The following PITPNM2 variants were observed in gnomAD, a reference collection of about 807,000 sequenced individuals.
PITPNM2 encodes membrane-associated phosphatidylinositol transfer protein 2.
PITPNM2 carries 35 observed loss-of-function variants against 132.2 expected under a neutral mutation model. The ratio of observed to expected loss-of-function variants is 0.26; its 90% CI spans 0.20 to 0.35. The LOEUF is 0.35. Among genes scored for constraint, PITPNM2 ranks in the 10% least tolerant of loss-of-function variants. PITPNM2 has a pLI of 1.00. For missense variants in PITPNM2, 1,332 were observed against 1,912.0 expected, an observed-to-expected ratio of 0.70 and a Z score of 5.66; for synonymous variants, 738 against 799.2, an observed-to-expected ratio of 0.92 and a Z score of 1.29.
chr12:123,009,787 G>T lies in PITPNM2; in HGVS notation c.643+63C>A. 1 of 1,442,086 alleles carries T rather than the reference G, an allele frequency of 6.9e-7. No individual in the cohort carries two copies. Among genetic ancestry groups the T allele is most frequent in the Non-Finnish European group, 9.7e-7 (1 of 1,026,558 alleles). 89.3% of individuals were successfully genotyped at this position (1,442,086 alleles called of 1,614,324 possible). On this transcript the variant is annotated intron_variant, in intron 6 of 25. Transcript: ENST00000320201. This position sits in a 1 kb window ranked among gnomAD's most constrained non-coding sequence, Gnocchi z 4.8. Reference sequence around the variant, plus strand: ...TGCAAAGAGAGGAGGCAGACAGGCAGGTGACAGGAGACAGAGGGGTTGGGT... The same window carrying T: ...TGCAAAGAGAGGAGGCAGACAGGCATGTGACAGGAGACAGAGGGGTTGGGT...
In PITPNM2 at chr12:123,008,200, T is replaced by C. The variant is rs554175534; in HGVS notation, c.643+1650A>G. On this transcript the variant is annotated intron_variant, in intron 6 of 25. Coordinates refer to ENST00000320201, the MANE Select transcript of PITPNM2 (RefSeq NM_020845.3). This position sits in a 1 kb window ranked among gnomAD's most constrained non-coding sequence, Gnocchi z 4.1. ...TGCTTTCTGAGGGGAGAACTGACTTTCAGGGAGCTGGGGAGTCTCTGCAGC... is the reference window on the plus strand; with the variant it reads ...TGCTTTCTGAGGGGAGAACTGACTTCCAGGGAGCTGGGGAGTCTCTGCAGC... Among the ~76,000 whole-genome samples the C allele has an allele frequency of 2.4e-4, 37 of 152,312 alleles. No individual in the cohort carries two copies. Among genetic ancestry groups the C allele is most frequent in the Admixed American group, 6.5e-4 (10 of 15,302 alleles).
chr12:123,121,300 G>A (rs1263860907), intron 1 of PITPNM2, among the ~76,000 whole-genome samples: 1 of 152,236 alleles, frequency 6.6e-6, no homozygotes, highest in East Asian at 1.9e-4. Context: ...CTTGAACTCA[G>A]GAGTTTGAGG....
intron 2 of PITPNM2, among the ~76,000 whole-genome samples, chr12:123,093,326 G>A (rs2042319072): frequency 6.6e-6 from 1 of 152,090 alleles, no homozygotes; most frequent in African/African-American, 2.4e-5. Flanking sequence ...GAGAATAGAA[G>A]AAAATGTTCT....
chr12:123,092,652 C>T (rs1310005546), intron 2 of PITPNM2: 3 of 152,292 alleles, frequency 2.0e-5, no homozygotes, highest in Admixed American at 6.5e-5. Context: ...GGCCTGCGGA[C>T]CTGCGGCCTC....
At position 122,994,722 on chromosome 12, in the gene PITPNM2, T is replaced by A. The variant is rs2038344555; in HGVS notation, c.2233+79A>T. 1 of 1,436,868 alleles carries A rather than the reference T, an allele frequency of 7.0e-7. No individual in the cohort carries two copies. Among genetic ancestry groups the A allele is most frequent in the African/African-American group, 1.4e-5 (1 of 70,496 alleles). 89.0% of individuals were successfully genotyped at this position (1,436,868 alleles called of 1,614,324 possible). On this transcript the variant is annotated intron_variant, in intron 15 of 25. Coordinates refer to ENST00000320201, the MANE Select transcript of PITPNM2 (RefSeq NM_020845.3). This position sits in a 1 kb window ranked among gnomAD's most constrained non-coding sequence, Gnocchi z 5.4. ...ACAGGCCTGGGACGTGGCCATGATC[T>A]CATCACAGGGGTCCACTGAGACCCC...
In PITPNM2 at chr12:123,000,837, G is replaced by A. The variant is rs776272061; in HGVS notation, c.1165C>T (p.Arg389Cys). ...EPEDTQDGLY[R>C]QGAPEFRVAS... ...ACCCTGAACTCAGGGGCACCCTGGC[G>A]GTACAGACCATCTGCAAAGACACAG... The change falls in exon 10 of 26, where the codon CGC becomes TGC. Residue 389 changes from arginine (R) to cysteine (C), a missense_variant. This residue lies in a region of PITPNM2 where 710 missense variants were observed against 911.5 expected (regional missense o/e 0.78). Coordinates refer to ENST00000320201, the MANE Select transcript of PITPNM2 (RefSeq NM_020845.3). This position sits in a 1 kb window ranked among gnomAD's most constrained non-coding sequence, Gnocchi z 5.4. 1.1e-5 allele frequency: 18 copies of A among 1,614,086 alleles called. No homozygotes were observed. Among genetic ancestry groups the A allele is most frequent in the Admixed American group, 5.0e-5 (3 of 60,026 alleles).
intron 2 of PITPNM2, among the ~76,000 whole-genome samples, chr12:123,037,825 C>T (rs1459572829): frequency 6.6e-6 from 1 of 152,236 alleles, no homozygotes; most frequent in Non-Finnish European, 1.5e-5. Context: ...TGAGCCAGCA[C>T]CCAGACACTG....
intron 3 of PITPNM2, among the ~76,000 whole-genome samples, chr12:123,014,565 A>C (rs1486478778): frequency 6.6e-6 from 1 of 152,142 alleles, no homozygotes; most frequent in African/African-American, 2.4e-5. Context: ...TTAGCCAGGC[A>C]TGTGGCACAT....
At chr12:123,133,095 T>C (rs770466475) in intron 1 of PITPNM2, among the ~76,000 whole-genome samples, 1 of 152,238 alleles carries the variant, frequency 6.6e-6, no homozygotes. Flanking sequence ...TACTATGTCA[T>C]ATGGGAATTT....
At chr12:123,041,551 G>T (rs1229053795) in intron 2 of PITPNM2, among the ~76,000 whole-genome samples, 1 of 152,168 alleles carries the variant, frequency 6.6e-6, no homozygotes, top group East Asian at 1.9e-4. Context: ...TCTCCCTGGA[G>T]CCCCCTTGGC....
Position 123,078,748 on chromosome 12 carries a change from T to C in PITPNM2, c.-96+31637A>G, listed in dbSNP as rs1458887766. Among the ~76,000 whole-genome samples the C allele has an allele frequency of 3.3e-5, 5 of 152,136 alleles. No homozygotes were observed. Among genetic ancestry groups the C allele is most frequent in the Non-Finnish European group, 7.4e-5 (5 of 67,994 alleles). On this transcript the variant is annotated intron_variant, in intron 2 of 25. Transcript: ENST00000320201. The surrounding 1 kb of genome is among the most constrained non-coding windows in gnomAD (Gnocchi z 7.3). ...GGGGAGGGGGCTCTCCTGGACACAC[T>C]GGCAGGTGGATGGGGACTCCCAGGC... is the stretch of plus-strand genomic sequence containing the variant.
Position 123,078,467 on chromosome 12 carries a change from C to T in PITPNM2, c.-96+31918G>A, listed in dbSNP as rs1172698061. Among the ~76,000 whole-genome samples, 1 of 152,218 alleles carries T rather than the reference C, an allele frequency of 6.6e-6. No homozygotes were observed. The highest frequency in any genetic ancestry group is 1.5e-5 in the Non-Finnish European group (1 of 68,034). On this transcript the variant is annotated intron_variant, in intron 2 of 25. Coordinates refer to ENST00000320201, the MANE Select transcript of PITPNM2 (RefSeq NM_020845.3). This position sits in a 1 kb window ranked among gnomAD's most constrained non-coding sequence, Gnocchi z 7.3. ...GGCCCTCCGTCTCACGCCACGATGC[C>T]CAGCCAGAGCCTGAAGTCGGGACCC...
chr12:123,122,200 T>C (rs2043045986), intron 1 of PITPNM2, among the ~76,000 whole-genome samples: 1 of 152,188 alleles, frequency 6.6e-6, no homozygotes, highest in Non-Finnish European at 1.5e-5. Context: ...CGGTGGCTCA[T>C]GCCTGTAATC....
chr12:123,079,625 G>T (rs2041897629), intron 2 of PITPNM2, among the ~76,000 whole-genome samples: 1 of 151,962 alleles, frequency 6.6e-6, no homozygotes, highest in Non-Finnish European at 1.5e-5. Flanking sequence ...GAGATTACAG[G>T]CATGAGCCAC....
At chr12:122,991,385 G>T (rs2038178352) in intron 16 of PITPNM2, among the ~76,000 whole-genome samples, 1 of 152,230 alleles carries the variant, frequency 6.6e-6, no homozygotes, top group South Asian at 2.1e-4. Context: ...GGGCCTTGGG[G>T]AATCCAACCC....
At chr12:123,123,154 T>TTAAC (rs2043064422) in intron 1 of PITPNM2, among the ~76,000 whole-genome samples, 2 of 152,186 alleles carry the variant, frequency 1.3e-5, no homozygotes, top group Non-Finnish European at 2.9e-5. Context: ...GGGACCTGGT[T>TTAAC]TAACACATGA....
chr12:123,021,853 A>AC, intron 3 of PITPNM2: 1 of 301,338 alleles, frequency 3.3e-6, no homozygotes, highest in Non-Finnish European at 4.9e-6. Flanking sequence ...CCCCATCTGT[A>AC]AGAGGAGGAG....
In PITPNM2 at chr12:123,083,313, G is replaced by C. The variant is rs2042018088; in HGVS notation, c.-96+27072C>G. 1 of 152,316 alleles carries C rather than the reference G, an allele frequency of 6.6e-6. No homozygotes were observed. The highest frequency in any genetic ancestry group is 2.1e-4 in the South Asian group (1 of 4,834). The allele number at this position is 152,316 out of a possible 1,614,324, so 9.4% of individuals were successfully genotyped here. A position where few individuals can be genotyped will look rare whatever the true frequency, so the allele number is the denominator to read the frequency against. The stretch of plus-strand genomic sequence containing the variant: ...AGAGCACTGGCACGCAGCAGGCACT[G>C]AATAGAATTTCTAAATATACAAACG... On this transcript the variant is annotated intron_variant, in intron 2 of 25. Transcript: ENST00000320201. This position sits in a 1 kb window ranked among gnomAD's most constrained non-coding sequence, Gnocchi z 4.5.
rs545130906 is a variant in PITPNM2, at chr12:123,022,300, G to A, written c.79-8258C>T. ...TCAGCTGTGCCTCTGATCAGGATGC[G>A]GCTGCGGAGGAAGGCCCTTTTCATA... On this transcript the variant is annotated intron_variant, in intron 3 of 25. Coordinates refer to ENST00000320201, the MANE Select transcript of PITPNM2 (RefSeq NM_020845.3). This position sits in a 1 kb window ranked among gnomAD's most constrained non-coding sequence, Gnocchi z 4.9. 3.9e-5 allele frequency among the ~76,000 whole-genome samples: 6 copies of A among 152,248 alleles called. No homozygotes were observed. Among genetic ancestry groups the A allele is most frequent in the African/African-American group, 1.2e-4 (5 of 41,510 alleles).
Sources: gnomAD v4.1 joint callset for allele counts (sites outside exome capture counted in the v4.1 genomes callset) on GRCh38, gnomAD v4.1.1 for gene constraint, gnomAD v4.1.1 regional missense constraint, Gnocchi (gnomAD v3.1) non-coding constraint, MANE v1.5 for transcripts, NCBI Gene and HGNC (gene_info 2026-07-23, HGNC 2026-07-21) for gene names.